PRSS21: variants seen among roughly 807,000 people sequenced by gnomAD.
The protein encoded by PRSS21 is testisin.
PRSS21 carries 40 observed loss-of-function variants against 31.1 expected under a neutral mutation model. The observed-to-expected ratio is 1.29, with a 90% CI of 1.00 to 1.68. The LOEUF (loss-of-function observed/expected upper bound fraction) is 1.68, where lower values mean the gene tolerates loss of function less well. Ranked by LOEUF, PRSS21 falls within the 40% of genes most tolerant of loss-of-function variation. The probability of loss-of-function intolerance (pLI) is 0.00; values close to 1 mark genes in which losing one functional copy is unlikely to be tolerated. For missense variants in PRSS21, 467 were observed against 412.6 expected (o/e 1.13, Z -1.14); for synonymous variants, 186 against 167.7 (o/e 1.11, Z -0.84).
Position 2,818,743 on chromosome 16 carries a change from C to G in PRSS21, c.324C>G (p.Ser108=), listed in dbSNP as rs1295734316. Residue 108 remains serine (S), a synonymous_variant, in exon 4 of 6, where the codon TCC becomes TCG. Transcript: ENST00000005995. ...TTGGCCAGCTGACTTCCATGCCATC[C>G]TTCTGGAGCCTGCAGGCCTACTACA... is the stretch of plus-strand genomic sequence containing the variant. ...VQFGQLTSMP[S]FWSLQAYYTR... is the part of the protein sequence containing the mutation. 12 of 1,614,028 alleles carry G rather than the reference C, an allele frequency of 7.4e-6. No individual in the cohort carries two copies. Among genetic ancestry groups the G allele is most frequent in the Non-Finnish European group, 1.0e-5 (12 of 1,179,862 alleles).
At position 2,818,682 on chromosome 16, in the gene PRSS21, G is replaced by C; in HGVS notation, c.263G>C (p.Ser88Thr). 6.2e-7 allele frequency: 1 copy of C among 1,613,918 alleles called. No homozygotes were observed. Among genetic ancestry groups the C allele is most frequent in the Non-Finnish European group, 8.5e-7 (1 of 1,179,848 alleles). The change falls in exon 4 of 6, where the codon AGT (serine) becomes ACT (threonine). Residue 88 changes from serine to threonine, a missense_variant. By Grantham distance (58) the Ser-to-Thr change is moderately conservative (BLOSUM62 1). Coordinates refer to ENST00000005995, the MANE Select transcript of PRSS21 (RefSeq NM_006799.4). The stretch of plus-strand genomic sequence containing the variant: ...GCTCTCTTCTCTTCTGCCAGCTATA[G>C]TGACCTTAGTGATCCCTCCGGGTGG... Reference protein sequence around the residue: ...LTAAHCFETYSDLSDPSGWMV... With the variant: ...LTAAHCFETYTDLSDPSGWMV...
In PRSS21 at chr16:2,817,441, G is replaced by A. The variant is rs1399851415; in HGVS notation, c.76G>A (p.Ala26Thr). Residue 26 changes from alanine (A) to threonine (T), a missense_variant, in exon 2 of 6, where the codon GCG (alanine) becomes ACG (threonine). Transcript: ENST00000005995. This position sits in a 1 kb window ranked among gnomAD's most constrained non-coding sequence, Gnocchi z 4.2. ...CTTGTCTCCCGCAGAGTCGCAGGAG[G>A]CGGCGCCGTTATCAGGTAGGGCGCC... ...AGLRKPESQE[A>T]APLSGPCGRR... 4 of 1,596,018 alleles carry A rather than the reference G, an allele frequency of 2.5e-6. No homozygotes were observed. The South Asian group carries it at 4.4e-5, about 18-fold the overall frequency.
intron 5 of PRSS21, 47 bp downstream of exon 5, chr16:2,821,156 C>T: frequency 6.2e-7 from 1 of 1,607,892 alleles, no homozygotes. Flanking sequence ...CATCCTGTGT[C>T]CCTGTGCCTT....
chr16:2,818,648 C>T (rs1381514338), intron 3 of PRSS21, 29 bp from the exon 4 acceptor site: 1 of 1,605,952 alleles, frequency 6.2e-7, no homozygotes, highest in Admixed American at 1.7e-5. Flanking sequence ...CCATCCAGGG[C>T]CCCTGACTGC....
At chr16:2,818,620 G>T (rs1364758579) in intron 3 of PRSS21, 57 bp from the exon 4 acceptor site, 7 of 1,543,074 alleles carry the variant, frequency 4.5e-6, no homozygotes, top group Non-Finnish European at 5.3e-6. Context: ...CCCCAGTTGT[G>T]CTCAGGTAGC....
Position 2,817,509 on chromosome 16 carries a change from C to CG in PRSS21, c.91+59dup, listed in dbSNP as rs1438987793. 81 of 941,434 alleles carry CG rather than the reference C, an allele frequency of 8.6e-5. No individual in the cohort carries two copies. The highest frequency in any genetic ancestry group is 1.0e-4 in the Non-Finnish European group (75 of 717,112). 58.3% of individuals were successfully genotyped at this position (941,434 alleles called of 1,614,324 possible). On this transcript the variant is annotated intron_variant, in intron 2 of 5. Transcript: ENST00000005995. The surrounding 1 kb of genome is among the most constrained non-coding windows in gnomAD (Gnocchi z 4.2). ...GCCAGGGCCGTTGGGCCGAGGTGGA[C>CG]GGGGGGCGGTGAGGGGGTAGAGGGG...
rs143931928 is a variant in PRSS21, at chr16:2,821,509, G to A, written c.849G>A (p.Lys283=). 2 of 1,614,108 alleles carry A rather than the reference G, an allele frequency of 1.2e-6. No homozygotes were observed. The highest frequency in any genetic ancestry group is 8.5e-7 in the Non-Finnish European group (1 of 1,180,044). The change falls in exon 6 of 6, where the codon AAG becomes AAA. Residue 283 remains lysine, a synonymous_variant. Coordinates refer to ENST00000005995, the MANE Select transcript of PRSS21 (RefSeq NM_006799.4). ...NISHHFEWIQ[K]LMAQSGMSQP... ...GCCACCACTTTGAGTGGATCCAGAA[G>A]CTGATGGCCCAGAGTGGCATGTCCC...
intron 4 of PRSS21, among the ~76,000 whole-genome samples, chr16:2,819,207 G>A (rs916219309): frequency 2.0e-5 from 3 of 152,158 alleles, no homozygotes; most frequent in African/African-American, 7.2e-5. Context: ...TGGGTGGTGC[G>A]GTGGTGGAGG....
intron 3 of PRSS21, 130 bp from the exon 4 acceptor site, chr16:2,818,547 C>A: frequency 1.1e-6 from 1 of 933,750 alleles, no homozygotes; most frequent in Non-Finnish European, 1.6e-6. Flanking sequence ...TCCTTCATTT[C>A]TGCAGGGGAC....
Position 2,818,815 on chromosome 16 carries a change from G to A in PRSS21, c.396G>A (p.Gly132=). 6.2e-7 allele frequency: 1 copy of A among 1,613,766 alleles called. No individual in the cohort carries two copies. Among genetic ancestry groups the A allele is most frequent in the Non-Finnish European group, 8.5e-7 (1 of 1,179,652 alleles). Residue 132 remains glycine, a synonymous_variant, in exon 4 of 6, where the codon GGG becomes GGA. Coordinates refer to ENST00000005995, the MANE Select transcript of PRSS21 (RefSeq NM_006799.4). ...TCTATCTGAGCCCTCGCTACCTGGG[G>A]AATTCACCCTATGACATTGCCTTGG... ...SNIYLSPRYL[G]NSPYDIALVK...
intron 4 of PRSS21, among the ~76,000 whole-genome samples, chr16:2,819,361 G>A (rs768604175): frequency 5.3e-5 from 8 of 152,154 alleles, no homozygotes; most frequent in African/African-American, 9.7e-5. Context: ...AGCTCTGGCC[G>A]ATTCTCCTGC....
Position 2,818,414 on chromosome 16 carries a change from G to A in PRSS21, c.258-263G>A, listed in dbSNP as rs368047676. ...CTCCCCATTCCTCCTTGGGCTGCAT[G>A]GGGGTGCCCCTGGAGGCCTTGGCTC... On this transcript the variant is annotated intron_variant, in intron 3 of 5. Coordinates refer to ENST00000005995, the MANE Select transcript of PRSS21 (RefSeq NM_006799.4). 3.2e-4 allele frequency among the ~76,000 whole-genome samples: 48 copies of A among 152,328 alleles called. No individual in the cohort carries two copies. In the East Asian group the frequency reaches 7.3e-3, roughly 23 times the overall value.
rs368715435 is a variant in PRSS21, at chr16:2,818,867, A to G, written c.448A>G (p.Thr150Ala). ...LVKLSAPVTY[T>A]KHIQPICLQA... is the part of the protein sequence containing the mutation. ...GAAGCTGTCTGCACCTGTCACCTAC[A>G]CTAAACACATCCAGCCCATCTGTCT... The change falls in exon 4 of 6, where the codon ACT (threonine) becomes GCT (alanine). Residue 150 changes from threonine (T) to alanine (A), a missense_variant. Transcript: ENST00000005995. 42 of 1,614,152 alleles carry G rather than the reference A, an allele frequency of 2.6e-5. No homozygotes were observed. The highest frequency in any genetic ancestry group is 1.6e-4 in the African/African-American group (12 of 75,048).
intron 4 of PRSS21, 74 bp from the exon 5 acceptor site, chr16:2,820,881 C>A: frequency 6.6e-7 from 1 of 1,515,096 alleles, no homozygotes; most frequent in Admixed American, 1.7e-5. Flanking sequence ...GCCCCCACCC[C>A]CGCAGCCTAT....
intron 5 of PRSS21, 118 bp from the exon 6 acceptor site, chr16:2,821,247 CA>C: frequency 6.5e-7 from 1 of 1,533,016 alleles, no homozygotes; most frequent in African/African-American, 1.4e-5. Context: ...TGGCTGCTGC[CA>C]GGGGGAGGAG....
At chr16:2,819,016 C>T (rs779465807) in intron 4 of PRSS21, 47 bp downstream of exon 4, 21 of 1,595,380 alleles carry the variant, frequency 1.3e-5, no homozygotes, top group African/African-American at 2.7e-5. Context: ...CTTTGTTCAC[C>T]TGTTCCCCTG....
chr16:2,820,942 A>G lies in PRSS21; in HGVS notation c.551-13A>G, dbSNP rs767640855. The G allele has an allele frequency of 5.0e-6, 8 of 1,611,760 alleles. No individual in the cohort carries two copies. Among genetic ancestry groups the G allele is most frequent in the Middle Eastern group, 1.6e-4 (1 of 6,080 alleles). ...GGTTGCTGTCTCTCTCCTTCCCACT[A>G]TCGTCCGCACAGCACTGCCATCTCC... On this transcript the variant is annotated splice_polypyrimidine_tract_variant and intron_variant, in intron 4 of 5. Transcript: ENST00000005995.
chr16:2,819,377 T>C (rs1395190462), intron 4 of PRSS21, among the ~76,000 whole-genome samples: 2 of 152,182 alleles, frequency 1.3e-5, no homozygotes, highest in Non-Finnish European at 2.9e-5. Context: ...CCTGCAGCAC[T>C]GAGCCCATTC....
At position 2,821,127 on chromosome 16, in the gene PRSS21, C is replaced by A. The variant is rs768793459; in HGVS notation, c.705+18C>A. 4 of 1,613,214 alleles carry A rather than the reference C, an allele frequency of 2.5e-6. No homozygotes were observed. Among genetic ancestry groups the A allele is most frequent in the Non-Finnish European group, 3.4e-6 (4 of 1,179,702 alleles). ...CCTGCTTCGTGAGTGTCCTTGCCAC[C>A]ACTCCCAGCCCAGGAAAGCATCCTG... On this transcript the variant is annotated intron_variant, in intron 5 of 5. Transcript: ENST00000005995.
Sources: allele counts gnomAD v4.1 joint callset (sites outside exome capture counted in the v4.1 genomes callset), GRCh38; gene constraint gnomAD v4.1.1; non-coding constraint Gnocchi (gnomAD v3.1); transcripts MANE v1.5; gene names NCBI Gene and HGNC (gene_info 2026-07-23, HGNC 2026-07-21).